BCL2L13: variants seen among roughly 807,000 people sequenced by gnomAD.
The protein encoded by BCL2L13 is BCL2 like 13.
In BCL2L13, 13 loss-of-function variants were observed where a neutral mutation model predicts 25.8. The ratio of observed to expected loss-of-function variants is 0.50; its 90% CI spans 0.33 to 0.80. The LOEUF (loss-of-function observed/expected upper bound fraction) is 0.80. Among genes scored for constraint, BCL2L13 ranks in the 30% least tolerant of loss-of-function variants. The probability of loss-of-function intolerance (pLI) is 0.02; values close to 1 mark genes in which losing one functional copy is unlikely to be tolerated. For synonymous variants in BCL2L13, 244 were observed against 230.3 expected (o/e 1.06, Z -0.54); for missense variants, 504 against 574.9 (o/e 0.88, Z 1.26).
intron 2 of BCL2L13, among the ~76,000 whole-genome samples, chr22:17,677,183 G>T (rs1347044928): frequency 2.0e-5 from 3 of 151,780 alleles, no homozygotes; most frequent in Non-Finnish European, 4.4e-5. Context: ...AAAATAAAAG[G>T]ATTTGAATTT....
chr22:17,646,546 G>A (rs1321090326), intron 1 of BCL2L13, among the ~76,000 whole-genome samples: 1 of 150,610 alleles, frequency 6.6e-6, no homozygotes, highest in Non-Finnish European at 1.5e-5. Flanking sequence ...ACTGCGCCTG[G>A]CCAAGATAGC....
upstream of BCL2L13, among the ~76,000 whole-genome samples, chr22:17,635,870 C>G (rs9604777): frequency 5.0e-5 from 3 of 59,892 alleles, no homozygotes; most frequent in Non-Finnish European, 1.0e-4. Context: ...CCACCATGCC[C>G]AGCTAATTTT....
At chr22:17,702,059 G>A (rs987061092) in intron 5 of BCL2L13, among the ~76,000 whole-genome samples, 184 bp from the exon 6 acceptor site, 2 of 151,792 alleles carry the variant, frequency 1.3e-5, no homozygotes, top group Admixed American at 1.3e-4. Flanking sequence ...CCTGCCTATT[G>A]TATAAAACCT....
At chr22:17,652,479 C>A (rs1460765547) in intron 1 of BCL2L13, among the ~76,000 whole-genome samples, 2 of 152,094 alleles carry the variant, frequency 1.3e-5, no homozygotes, top group African/African-American at 4.8e-5. Flanking sequence ...GTTCTTGTTG[C>A]CCAAGCTGGA....
intron 4 of BCL2L13, among the ~76,000 whole-genome samples, chr22:17,693,439 G>A (rs1464547935): frequency 6.9e-6 from 1 of 145,830 alleles, no homozygotes; most frequent in African/African-American, 2.6e-5. Context: ...GAGTGCAGTG[G>A]TGCAATCTCG....
At chr22:17,642,206 C>T (rs989832349) in intron 1 of BCL2L13, among the ~76,000 whole-genome samples, 3 of 149,678 alleles carry the variant, frequency 2.0e-5, no homozygotes, top group African/African-American at 7.4e-5. Flanking sequence ...CCCACTGCAA[C>T]CTCGGACTCC....
chr22:17,720,257 C>T (rs796263238), intron 6 of BCL2L13, among the ~76,000 whole-genome samples: 3 of 151,940 alleles, frequency 2.0e-5, no homozygotes, highest in South Asian at 4.1e-4. Flanking sequence ...TAGCCTTGAC[C>T]TCCCAGGCTC....
upstream of BCL2L13, among the ~76,000 whole-genome samples, chr22:17,635,791 C>G (rs1322892521): frequency 2.0e-5 from 3 of 151,866 alleles, no homozygotes; most frequent in South Asian, 2.1e-4. Context: ...CTCACTGCAA[C>G]CTCCGCCTCC....
At chr22:17,692,416 C>T (rs1044378495) in intron 4 of BCL2L13, 5 of 152,196 alleles carry the variant, frequency 3.3e-5, no homozygotes, top group African/African-American at 1.2e-4. Context: ...CTGTGACCCC[C>T]AGCAGCACCA....
rs149460093 is a variant in BCL2L13, at chr22:17,646,955, A to ATTT, written c.-51+8091_-51+8093dup. On this transcript the variant is annotated intron_variant, in intron 1 of 6. Transcript: ENST00000317582. ...TACATATATATATATATATATATAT[A>ATTT]TTTTTTTTTTTTTTTTTTTTTTTTC... 7.1e-3 allele frequency among the ~76,000 whole-genome samples: 157 copies of ATTT among 22,194 alleles called. 2 individuals carry two copies. Among genetic ancestry groups the ATTT allele is most frequent in the South Asian group, 0.021 (4 of 190 alleles). The allele number at this position is 22,194 out of a possible 152,430, so 14.6% of individuals were successfully genotyped here.
At position 17,638,842 on chromosome 22, in the gene BCL2L13, C is replaced by G. The variant is rs549667538; in HGVS notation, c.-95C>G. On this transcript the variant is annotated 5_prime_UTR_variant, in exon 1 of 7. Transcript: ENST00000317582. ...GGGGGACCCTGTCGGAAGCAACTGC[C>G]GCCGCCGCCTCTTTCATCTCTTCTG... is the stretch of plus-strand genomic sequence containing the variant. The G allele has an allele frequency of 2.4e-6, 3 of 1,232,000 alleles. No homozygotes were observed. The highest frequency in any genetic ancestry group is 3.1e-5 in the African/African-American group (2 of 64,418). 76.3% of individuals were successfully genotyped at this position (1,232,000 alleles called of 1,614,324 possible).
intron 6 of BCL2L13, among the ~76,000 whole-genome samples, chr22:17,715,509 A>G (rs998094557): frequency 6.6e-6 from 1 of 152,168 alleles, no homozygotes; most frequent in South Asian, 2.1e-4. Context: ...ACATAACATT[A>G]TATTAATATA....
intron 1 of BCL2L13, among the ~76,000 whole-genome samples, chr22:17,631,401 T>C (rs1401671467): frequency 6.6e-6 from 1 of 151,764 alleles, no homozygotes; most frequent in African/African-American, 2.4e-5. Context: ...CCAGCCTCAA[T>C]TGGGTTTTGA....
At chr22:17,657,547 G>A (rs934839492) in intron 2 of BCL2L13, among the ~76,000 whole-genome samples, 2 of 150,366 alleles carry the variant, frequency 1.3e-5, no homozygotes, top group Non-Finnish European at 2.9e-5. Context: ...ACGGAGTCTC[G>A]CTCTGTCCAG....
At chr22:17,654,241 A>G (rs2058777069) in intron 1 of BCL2L13, among the ~76,000 whole-genome samples, 1 of 150,926 alleles carries the variant, frequency 6.6e-6, no homozygotes, top group Admixed American at 6.6e-5. Flanking sequence ...AGTAGCTGGC[A>G]TTATAGGTGT....
chr22:17,679,625 C>T (rs2059676219), intron 2 of BCL2L13, among the ~76,000 whole-genome samples: 1 of 151,680 alleles, frequency 6.6e-6, no homozygotes. Flanking sequence ...GTACTGAAAT[C>T]ACCTGAAAGT....
chr22:17,676,060 T>C (rs187593284), intron 2 of BCL2L13, among the ~76,000 whole-genome samples: 3 of 152,240 alleles, frequency 2.0e-5, no homozygotes, highest in African/African-American at 7.2e-5. Context: ...AATTATCTAA[T>C]AATACAATTT....
chr22:17,694,539 TG>T (rs2060207136), intron 4 of BCL2L13, among the ~76,000 whole-genome samples: 2 of 152,090 alleles, frequency 1.3e-5, no homozygotes, highest in Admixed American at 1.3e-4. Flanking sequence ...TTTTTAGTCT[TG>T]CACTGTCTTG....
intron 2 of BCL2L13, among the ~76,000 whole-genome samples, chr22:17,662,128 T>C (rs367934165): frequency 3.3e-5 from 5 of 152,334 alleles, no homozygotes; most frequent in Middle Eastern, 3.4e-3. Context: ...TTCTTTGTAT[T>C]GTGAAGTTGT....
Sources: allele counts gnomAD v4.1 joint callset (sites outside exome capture counted in the v4.1 genomes callset), GRCh38; gene constraint gnomAD v4.1.1; transcripts MANE v1.5; gene names NCBI Gene and HGNC (gene_info 2026-07-23, HGNC 2026-07-21).